Variants in BNC2 observed in about 807,000 individuals in gnomAD.
The protein encoded by BNC2 is zinc finger protein basonuclin-2.
Under a neutral mutation model 76.3 loss-of-function variants are expected in BNC2, and 20 were observed. The observed-to-expected ratio is 0.26, with a 90% CI of 0.18 to 0.38. BNC2 has a LOEUF of 0.38. Ranked by LOEUF, BNC2 falls within the 10% of genes least tolerant of loss-of-function variation. The pLI, the probability that BNC2 is intolerant of heterozygous loss-of-function variation, is 1.00. For synonymous variants in BNC2, 582 were observed against 514.8 expected (o/e 1.13, Z -1.77); for missense variants, 1,382 against 1,399.8 (o/e 0.99, Z 0.20).
intron 3 of BNC2, among the ~76,000 whole-genome samples, chr9:16,709,411 G>A (rs1823770188): frequency 6.6e-6 from 1 of 152,198 alleles, no homozygotes; most frequent in South Asian, 2.1e-4. Flanking sequence ...AGAGCCTGCT[G>A]ACAACTGGAT....
intron 4 of BNC2, among the ~76,000 whole-genome samples, chr9:16,562,323 C>T (rs1461210260): frequency 2.0e-5 from 3 of 152,174 alleles, no homozygotes; most frequent in Non-Finnish European, 4.4e-5. Flanking sequence ...ACTCATTCAT[C>T]CCTAGGAGGC....
intron 3 of BNC2, among the ~76,000 whole-genome samples, chr9:16,702,259 C>T (rs1011829246): frequency 5.9e-5 from 9 of 152,102 alleles, no homozygotes; most frequent in South Asian, 2.1e-4. Context: ...CAGGGACAGA[C>T]GCTGGAGTCT....
intron 1 of BNC2, among the ~76,000 whole-genome samples, chr9:16,745,699 C>G (rs893458252): frequency 3.9e-5 from 6 of 152,138 alleles, no homozygotes; most frequent in African/African-American, 1.4e-4. Context: ...TTCTATTATG[C>G]CTGTCTCTGA....
At chr9:16,528,514 T>G (rs370070490) in intron 5 of BNC2, among the ~76,000 whole-genome samples, 2 of 152,332 alleles carry the variant, frequency 1.3e-5, no homozygotes, top group East Asian at 1.9e-4. Context: ...TTATCTACTT[T>G]GTTTATGGTC....
intron 5 of BNC2, among the ~76,000 whole-genome samples, chr9:16,471,797 C>G (rs546139249): frequency 1.3e-5 from 2 of 152,168 alleles, no homozygotes; most frequent in South Asian, 4.2e-4. Context: ...TGTGTCCCCA[C>G]CAAAATCTCA....
intron 5 of BNC2, among the ~76,000 whole-genome samples, chr9:16,513,299 C>CTTTTTTT (rs1202222924): frequency 7.0e-5 from 6 of 85,552 alleles, no homozygotes; most frequent in Admixed American, 1.5e-4. Context: ...AGAAAAGGTT[C>CTTTTTTT]TTTTTTTTTT....
Position 16,609,018 on chromosome 9 carries a change from T to G in BNC2, c.331-25933A>C, listed in dbSNP as rs186427203. Among the ~76,000 whole-genome samples, 183 of 152,324 alleles carry G rather than the reference T, an allele frequency of 1.2e-3. 1 individual carries two copies. The highest frequency in any genetic ancestry group is 3.5e-3 in the Admixed American group (54 of 15,306). On this transcript the variant is annotated intron_variant, in intron 3 of 6. Coordinates refer to ENST00000380672, the MANE Select transcript of BNC2 (RefSeq NM_017637.6). ...AGGAAGGGATCTTGGGATTTTTCTG[T>G]GTTTCTTTAGCACCTAGAACACAGC...
intron 3 of BNC2, among the ~76,000 whole-genome samples, chr9:16,617,654 G>C (rs1227693413): frequency 6.6e-6 from 1 of 152,150 alleles, no homozygotes; most frequent in Non-Finnish European, 1.5e-5. Flanking sequence ...CAGGTTCCAG[G>C]GGTTAGGTTT....
At chr9:16,718,397 G>GT (rs1461233301) in intron 3 of BNC2, among the ~76,000 whole-genome samples, 5 of 152,176 alleles carry the variant, frequency 3.3e-5, no homozygotes, top group African/African-American at 1.2e-4. Context: ...ACAATGAAGA[G>GT]TATTTAGTCA....
intron 3 of BNC2, among the ~76,000 whole-genome samples, chr9:16,612,365 C>T (rs186514297): frequency 1.3e-5 from 2 of 152,178 alleles, no homozygotes; most frequent in Non-Finnish European, 2.9e-5. Flanking sequence ...GTCTCACACA[C>T]CCACCCCTTC....
Position 16,640,068 on chromosome 9 carries a change from G to A in BNC2, c.331-56983C>T, listed in dbSNP as rs193069244. Among the ~76,000 whole-genome samples, 417 of 151,358 alleles carry A rather than the reference G, an allele frequency of 2.8e-3. 3 individuals are homozygous for A. Among genetic ancestry groups the A allele is most frequent in the African/African-American group, 8.4e-3 (346 of 41,200 alleles). The stretch of plus-strand genomic sequence containing the variant: ...CTCTTCTAAAGATTATAAATAAAAC[G>A]TAGTAATACAAATCTCTTCTTCACA... On this transcript the variant is annotated intron_variant, in intron 3 of 6. Transcript: ENST00000380672.
rs531903355 is a variant in BNC2, at chr9:16,823,855, C to T, written c.3+46791G>A. On this transcript the variant is annotated intron_variant, in intron 1 of 6. Coordinates refer to ENST00000380672, the MANE Select transcript of BNC2 (RefSeq NM_017637.6). ...CTGACTTTCTCTAAAGGTCTTTTTC[C>T]TTCTCTGTGGAGGTGATTTTGAAAT... 1.6e-4 allele frequency among the ~76,000 whole-genome samples: 25 copies of T among 152,210 alleles called. No individual in the cohort carries two copies. In the East Asian group the frequency reaches 4.8e-3, roughly 29 times the overall value.
intron 1 of BNC2, among the ~76,000 whole-genome samples, chr9:16,763,965 A>G (rs184869421): frequency 3.0e-4 from 46 of 152,264 alleles, no homozygotes; most frequent in African/African-American, 1.0e-3. Flanking sequence ...TGGGGGGAAA[A>G]CTAATCCTAA....
rs542478789 is a variant in BNC2 at position 16,553,408 on chromosome 9, T to C, written c.434-643A>G. 2.1e-4 allele frequency among the ~76,000 whole-genome samples: 32 copies of C among 152,326 alleles called. No individual in the cohort carries two copies. The South Asian group carries it at 6.4e-3, about 31-fold the overall frequency. Reference sequence around the variant, plus strand: ...ACTTAGTTCTCTCAATTTCTCTCGTTAGTCACCTGTTAGATAGCTTTTGTG... The same window carrying C: ...ACTTAGTTCTCTCAATTTCTCTCGTCAGTCACCTGTTAGATAGCTTTTGTG... On this transcript the variant is annotated intron_variant, in intron 4 of 6. Coordinates refer to ENST00000380672, the MANE Select transcript of BNC2 (RefSeq NM_017637.6).
chr9:16,448,934 T>C (rs1563788775), intron 5 of BNC2, among the ~76,000 whole-genome samples: 1 of 152,226 alleles, frequency 6.6e-6, no homozygotes, highest in Admixed American at 6.5e-5. Flanking sequence ...TATGCATTAA[T>C]AGTTTGTGTT....
chr9:16,725,219 A>T (rs78267284), intron 3 of BNC2, among the ~76,000 whole-genome samples: 27 of 51,616 alleles, frequency 5.2e-4, no homozygotes, highest in Admixed American at 1.7e-3. Context: ...TCTCTCTCTC[A>T]CACACACACA....
Position 16,747,717 on chromosome 9 carries a change from C to G in BNC2, c.4-9232G>C, listed in dbSNP as rs568093743. On this transcript the variant is annotated intron_variant, in intron 1 of 6. Transcript: ENST00000380672. ...ACAAGAATTTTCTGAAAAGGTGCTG[C>G]CTATTACCCTGTTTTAAGCAGGACA... Among the ~76,000 whole-genome samples the G allele has an allele frequency of 3.7e-4, 57 of 152,260 alleles. 1 individual carries two copies. The highest frequency in any genetic ancestry group is 1.2e-3 in the African/African-American group (50 of 41,552).
chr9:16,776,003 T>G (rs1199857163), intron 1 of BNC2, among the ~76,000 whole-genome samples: 3 of 152,140 alleles, frequency 2.0e-5, no homozygotes, highest in Non-Finnish European at 2.9e-5. Flanking sequence ...TCAGCAGGAC[T>G]GAGACCAGAA....
At chr9:16,825,497 C>T (rs949527993) in intron 1 of BNC2, among the ~76,000 whole-genome samples, 3 of 152,116 alleles carry the variant, frequency 2.0e-5, no homozygotes. Flanking sequence ...TTTACCAGTT[C>T]ATGACTGCAC....
Sources: allele counts gnomAD v4.1 joint callset (sites outside exome capture counted in the v4.1 genomes callset), GRCh38; gene constraint gnomAD v4.1.1; transcripts MANE v1.5; gene names NCBI Gene and HGNC (gene_info 2026-07-23, HGNC 2026-07-21).